The following MBD5 variants were observed in gnomAD, a reference collection of about 807,000 sequenced individuals.
The protein encoded by MBD5 is methyl-CpG binding domain protein 5.
A neutral mutation model predicts 117.3 loss-of-function variants in MBD5; 13 were observed. The ratio of observed to expected loss-of-function variants is 0.11; its 90% CI spans 0.07 to 0.18. The LOEUF (loss-of-function observed/expected upper bound fraction) is 0.18, where lower values mean the gene tolerates loss of function less well. Ranked by LOEUF, MBD5 falls within the 10% of genes least tolerant of loss-of-function variation. The pLI, the probability that MBD5 is intolerant of heterozygous loss-of-function variation, is 1.00. For missense variants in MBD5, 1,879 were observed against 2,093.8 expected (o/e 0.90, Z 2.00); for synonymous variants, 727 against 766.4 (o/e 0.95, Z 0.85).
intron 4 of MBD5, among the ~76,000 whole-genome samples, chr2:148,423,350 T>G (rs1281033877): frequency 6.6e-6 from 1 of 152,124 alleles, no homozygotes; most frequent in Non-Finnish European, 1.5e-5. Context: ...TTAAAGCACA[T>G]GAATTCTTTA....
intron 4 of MBD5, among the ~76,000 whole-genome samples, chr2:148,376,519 T>A (rs1703992814): frequency 6.7e-6 from 1 of 150,256 alleles, no homozygotes; most frequent in East Asian, 1.9e-4. Context: ...CACCCACCTC[T>A]GCCTCCCAAA....
chr2:148,065,586 T>G (rs1358229226), intron 1 of MBD5, among the ~76,000 whole-genome samples: 1 of 152,184 alleles, frequency 6.6e-6, no homozygotes, highest in Non-Finnish European at 1.5e-5. Context: ...AAAAGGAAAT[T>G]AATATAGGAT....
chr2:148,412,592 A>C (rs1380698264), intron 4 of MBD5, among the ~76,000 whole-genome samples: 1 of 152,072 alleles, frequency 6.6e-6, no homozygotes, highest in African/African-American at 2.4e-5. Flanking sequence ...CTCCATGGGC[A>C]TGGAAGTTTC....
chr2:148,358,756 A>C (rs1235459830), intron 4 of MBD5, among the ~76,000 whole-genome samples: 1 of 152,028 alleles, frequency 6.6e-6, no homozygotes, highest in Non-Finnish European at 1.5e-5. Context: ...ATGCCACTGC[A>C]CTCCAGCCGG....
At chr2:148,501,868 T>C (rs1041386809) in intron 11 of MBD5, among the ~76,000 whole-genome samples, 3 of 152,232 alleles carry the variant, frequency 2.0e-5, no homozygotes, top group African/African-American at 7.2e-5. Context: ...CTAGGATAAG[T>C]GTTCAACAAG....
chr2:148,497,545 C>T (rs527567476), intron 11 of MBD5, among the ~76,000 whole-genome samples: 5 of 152,012 alleles, frequency 3.3e-5, no homozygotes, highest in South Asian at 2.1e-4. Context: ...TAAAAATTAG[C>T]GAGCATGATG....
At chr2:148,258,489 A>G (rs1429407192) in intron 3 of MBD5, among the ~76,000 whole-genome samples, 1 of 152,116 alleles carries the variant, frequency 6.6e-6, no homozygotes, top group African/African-American at 2.4e-5. Context: ...GTGGATCGCT[A>G]ATTCCACACG....
intron 3 of MBD5, among the ~76,000 whole-genome samples, chr2:148,341,223 C>T (rs1024082881): frequency 3.3e-5 from 5 of 152,020 alleles, no homozygotes; most frequent in South Asian, 2.1e-4. Flanking sequence ...GGCAGTACCA[C>T]AATCCATATA....
chr2:148,223,603 T>C (rs1699746757), intron 2 of MBD5, among the ~76,000 whole-genome samples: 1 of 152,072 alleles, frequency 6.6e-6, no homozygotes, highest in Admixed American at 6.6e-5. Flanking sequence ...TCATTTGTAA[T>C]GTCTCCATCT....
intron 4 of MBD5, among the ~76,000 whole-genome samples, chr2:148,413,991 T>C (rs934332655): frequency 6.6e-5 from 10 of 151,944 alleles, no homozygotes; most frequent in African/African-American, 2.2e-4. Context: ...TTGATTTTGG[T>C]TATTTGTCTT....
At chr2:148,101,065 T>A (rs1294596356) in intron 1 of MBD5, among the ~76,000 whole-genome samples, 2 of 152,204 alleles carry the variant, frequency 1.3e-5, no homozygotes, top group African/African-American at 4.8e-5. Flanking sequence ...TGGTTATTCA[T>A]CCATAATGTC....
chr2:148,185,539 G>A (rs1558963109), intron 2 of MBD5, among the ~76,000 whole-genome samples: 1 of 152,144 alleles, frequency 6.6e-6, no homozygotes, highest in African/African-American at 2.4e-5. Context: ...AAAAGTGGGG[G>A]TTAATTAAAT....
In MBD5 at chr2:148,470,093, G is replaced by A; in HGVS notation, c.2150G>A (p.Ser717Asn). The A allele has an allele frequency of 1.2e-6, 2 of 1,613,852 alleles. No individual in the cohort carries two copies. Among genetic ancestry groups the A allele is most frequent in the Non-Finnish European group, 1.7e-6 (2 of 1,179,896 alleles). The change falls in exon 8 of 14, where the codon AGC (serine) becomes AAC (asparagine). Residue 717 changes from serine to asparagine, a missense_variant. This residue lies in a region of MBD5 where 1,666 missense variants were observed against 1,792.2 expected (regional missense o/e 0.93). Transcript: ENST00000642680. Reference protein sequence around the residue: ...SMSCQSSHLSSNSTPGCGASN... With the variant: ...SMSCQSSHLSNNSTPGCGASN... ...AGTTGTCAAAGCTCTCACTTGAGTA[G>A]CAATAGTACCCCGGGTTGTGGGGCC...
intron 1 of MBD5, among the ~76,000 whole-genome samples, chr2:148,121,962 C>A (rs1407758315): frequency 6.6e-6 from 1 of 151,966 alleles, no homozygotes; most frequent in Non-Finnish European, 1.5e-5. Context: ...AAAAGAAATT[C>A]TTTGGATTCT....
At chr2:148,079,963 A>G (rs993658914) in intron 1 of MBD5, among the ~76,000 whole-genome samples, 1 of 152,188 alleles carries the variant, frequency 6.6e-6, no homozygotes, top group African/African-American at 2.4e-5. Context: ...TTAATTTAAT[A>G]AAGTGTGTTG....
At chr2:148,130,254 G>A (rs1697005063) in intron 1 of MBD5, among the ~76,000 whole-genome samples, 1 of 152,016 alleles carries the variant, frequency 6.6e-6, no homozygotes, top group Admixed American at 6.6e-5. Flanking sequence ...ATTTTCTCCT[G>A]ACAGCGCTCA....
At chr2:148,288,848 G>T (rs1363111655) in intron 3 of MBD5, among the ~76,000 whole-genome samples, 1 of 152,088 alleles carries the variant, frequency 6.6e-6, no homozygotes, top group African/African-American at 2.4e-5. Flanking sequence ...ATGGTTCAAA[G>T]ACTTTTGAAT....
chr2:148,478,831 C>T, intron 8 of MBD5, among the ~76,000 whole-genome samples: 1 of 152,138 alleles, frequency 6.6e-6, no homozygotes, highest in South Asian at 2.1e-4. Context: ...TCCAGGATCC[C>T]AGCTGCCTTT....
intron 2 of MBD5, among the ~76,000 whole-genome samples, chr2:148,213,330 C>T (rs1699476142): frequency 6.6e-6 from 1 of 152,014 alleles, no homozygotes; most frequent in African/African-American, 2.4e-5. Context: ...AGAATTATAT[C>T]ATTAAATTTA....
Sources: gnomAD v4.1 joint callset for allele counts (sites outside exome capture counted in the v4.1 genomes callset) on GRCh38, gnomAD v4.1.1 for gene constraint, gnomAD v4.1.1 regional missense constraint, MANE v1.5 for transcripts, NCBI Gene and HGNC (gene_info 2026-07-23, HGNC 2026-07-21) for gene names.